CHLSN: variants seen among roughly 807,000 people sequenced by gnomAD.
The protein encoded by CHLSN is cholesin.
At chr7:1,045,413 C>A in the CHLSN span, 2 of 152,238 alleles carry the variant, frequency 1.3e-5, no homozygotes, top group African/African-American at 4.8e-5. Context: ...CCTGTCCACA[C>A]GGAACAGCAC....
the CHLSN span, among the ~76,000 whole-genome samples, chr7:1,038,292 CGGGA>C: frequency 1.0e-5 from 1 of 95,434 alleles, no homozygotes; most frequent in African/African-American, 3.7e-5. Flanking sequence ...CCATGCCGTC[CGGGA>C]GGGAGGTGGG....
chr7:1,052,358 G>C, the CHLSN span, among the ~76,000 whole-genome samples: 1 of 152,254 alleles, frequency 6.6e-6, no homozygotes, highest in Admixed American at 6.5e-5. This position sits in a 1 kb window ranked among gnomAD's most constrained non-coding sequence, Gnocchi z 4.2. Context: ...CCTTGGGGCT[G>C]CTTGTGCTGG....
the CHLSN span, among the ~76,000 whole-genome samples, chr7:1,068,059 G>T: frequency 6.6e-6 from 1 of 152,156 alleles, no homozygotes; most frequent in Non-Finnish European, 1.5e-5. Context: ...CAACGGTCCT[G>T]CGCACCAGGC....
chr7:1,100,836 C>T, the CHLSN span, among the ~76,000 whole-genome samples: 2 of 152,216 alleles, frequency 1.3e-5, no homozygotes, highest in African/African-American at 2.4e-5. Context: ...GCAGAGACGA[C>T]ACCCCGAAAG....
chr7:1,081,671 C>A, the CHLSN span, among the ~76,000 whole-genome samples: 2 of 148,250 alleles, frequency 1.3e-5, no homozygotes, highest in Non-Finnish European at 3.0e-5. Flanking sequence ...AGTCGAGGAA[C>A]CTGGAAGCCC....
At chr7:989,223 T>A in the CHLSN span, 1 of 210,264 alleles carries the variant, frequency 4.8e-6, no homozygotes, top group Non-Finnish European at 9.5e-6. Context: ...GTCCTCAGCG[T>A]GCGAGCCCTG....
chr7:979,140 G>A, the CHLSN span, among the ~76,000 whole-genome samples: 4 of 152,218 alleles, frequency 2.6e-5, no homozygotes, highest in South Asian at 8.3e-4. Flanking sequence ...CCAGATTCAA[G>A]GAGTCAACTA....
chr7:1,116,453 GGAT>G, the CHLSN span, among the ~76,000 whole-genome samples: 7 of 119,722 alleles, frequency 5.8e-5, no homozygotes, highest in African/African-American at 2.3e-4. Context: ...CGTCCACGCA[GGAT>G]GATGACATCA....
the CHLSN span, chr7:997,522 C>A: frequency 9.4e-7 from 1 of 1,065,926 alleles, no homozygotes; most frequent in Non-Finnish European, 1.3e-6. Flanking sequence ...TGCTCAGCCG[C>A]TGCCCTGCTG....
chr7:1,088,354 C>T, the CHLSN span: 2 of 152,336 alleles, frequency 1.3e-5, no homozygotes, highest in Non-Finnish European at 2.9e-5. The surrounding 1 kb of genome is among the most constrained non-coding windows in gnomAD (Gnocchi z 4.5). Flanking sequence ...CGGTGCCATA[C>T]CACTGACTAG....
chr7:1,098,215 C>A, the CHLSN span, among the ~76,000 whole-genome samples: 1 of 152,156 alleles, frequency 6.6e-6, no homozygotes, highest in South Asian at 2.1e-4. Context: ...ATGCACACAG[C>A]AAGTGGGGTG....
the CHLSN span, among the ~76,000 whole-genome samples, chr7:1,002,101 G>C: frequency 7.3e-6 from 1 of 137,854 alleles, no homozygotes; most frequent in East Asian, 2.3e-4. Flanking sequence ...GTGGAGTCCT[G>C]TGGGTGGGAA....
At chr7:1,059,480 G>A in the CHLSN span, among the ~76,000 whole-genome samples, 1 of 151,930 alleles carries the variant, frequency 6.6e-6, no homozygotes, top group Non-Finnish European at 1.5e-5. Context: ...CAGTGAGGAG[G>A]GTCCATAGTG....
the CHLSN span, among the ~76,000 whole-genome samples, chr7:1,039,204 G>A: frequency 2.1e-4 from 5 of 23,850 alleles, 1 homozygote; most frequent in Non-Finnish European, 3.5e-4. Context: ...TCAGCCCCCC[G>A]CCCGGCCAGC....
the CHLSN span, among the ~76,000 whole-genome samples, chr7:1,053,343 C>G: frequency 5.7e-4 from 87 of 152,364 alleles, no homozygotes; most frequent in Middle Eastern, 3.4e-3. Flanking sequence ...AGCCCAGAAC[C>G]TTGCGCAGGA....
the CHLSN span, among the ~76,000 whole-genome samples, chr7:1,054,988 C>T: frequency 1.3e-5 from 2 of 152,332 alleles, no homozygotes; most frequent in Non-Finnish European, 1.5e-5. Context: ...CTCAAGCACA[C>T]TGAACACCAG....
chr7:1,130,794 G>A, the CHLSN span, among the ~76,000 whole-genome samples: 36 of 152,298 alleles, frequency 2.4e-4, no homozygotes, highest in Non-Finnish European at 4.0e-4. Flanking sequence ...CGGCATGCAC[G>A]CTGCTTCACC....
chr7:1,116,689 C>T, the CHLSN span, among the ~76,000 whole-genome samples: 7 of 53,406 alleles, frequency 1.3e-4, 1 homozygote, highest in Non-Finnish European at 2.3e-4. Context: ...GATGACATCA[C>T]TACAGCTCTA....
At chr7:1,018,989 G>T in the CHLSN span, among the ~76,000 whole-genome samples, 2 of 152,068 alleles carry the variant, frequency 1.3e-5, no homozygotes, top group African/African-American at 2.4e-5. Flanking sequence ...TGAGTCAGGA[G>T]TCCGAGACCA....
Sources: allele counts gnomAD v4.1 joint callset (sites outside exome capture counted in the v4.1 genomes callset), GRCh38; gene constraint gnomAD v4.1.1; non-coding constraint Gnocchi (gnomAD v3.1); transcripts MANE v1.5; gene names NCBI Gene and HGNC (gene_info 2026-07-23, HGNC 2026-07-21).